The following PRMT3 variants were observed in gnomAD, a reference collection of about 807,000 sequenced individuals.
PRMT3 encodes protein arginine methyltransferase 3.
Under a neutral mutation model 71.9 loss-of-function variants are expected in PRMT3, and 62 were observed. The ratio of observed to expected loss-of-function variants is 0.86; its 90% CI spans 0.70 to 1.07. The LOEUF is 1.07. Ranked by LOEUF, PRMT3 falls within the 50% of genes least tolerant of loss-of-function variation. PRMT3 has a pLI of 0.00. For missense variants in PRMT3, 663 were observed against 643.0 expected (o/e 1.03, Z -0.34); for synonymous variants, 213 against 220.4 (o/e 0.97, Z 0.30).
At chr11:20,456,440 T>C (rs1850269014) in intron 11 of PRMT3, among the ~76,000 whole-genome samples, 1 of 152,222 alleles carries the variant, frequency 6.6e-6, no homozygotes, top group South Asian at 2.1e-4. Context: ...TAATATTTTC[T>C]AGCACCCTTA....
chr11:20,441,018 G>A (rs1460558655), intron 10 of PRMT3, among the ~76,000 whole-genome samples: 2 of 151,112 alleles, frequency 1.3e-5, no homozygotes, highest in East Asian at 1.9e-4. Context: ...TGTCTCTTGT[G>A]TTCCTTTAAC....
At chr11:20,416,593 T>C (rs966445449) in intron 9 of PRMT3, among the ~76,000 whole-genome samples, 6 of 152,194 alleles carry the variant, frequency 3.9e-5, no homozygotes, top group Non-Finnish European at 7.3e-5. Flanking sequence ...AGGTAAATCA[T>C]TGTCACCAAA....
intron 10 of PRMT3, among the ~76,000 whole-genome samples, chr11:20,448,362 A>T (rs1297820408): frequency 3.9e-5 from 6 of 152,158 alleles, no homozygotes; most frequent in African/African-American, 1.4e-4. Flanking sequence ...GTCTACAGTG[A>T]ATGTTACAGA....
intron 10 of PRMT3, among the ~76,000 whole-genome samples, chr11:20,437,765 AT>A (rs570619465): frequency 5.3e-4 from 81 of 151,972 alleles, no homozygotes; most frequent in African/African-American, 1.9e-3. Context: ...AATTTTTTGC[AT>A]TTTTAGTAGA....
intron 8 of PRMT3, among the ~76,000 whole-genome samples, chr11:20,404,381 G>A (rs949794535): frequency 2.6e-5 from 4 of 151,482 alleles, no homozygotes; most frequent in African/African-American, 9.7e-5. Context: ...CTACAGGCAC[G>A]TGCCACCACG....
chr11:20,454,569 CAA>C (rs1850226102), intron 11 of PRMT3, among the ~76,000 whole-genome samples: 1 of 152,040 alleles, frequency 6.6e-6, no homozygotes, highest in African/African-American at 2.4e-5. Context: ...TTAACAGAAT[CAA>C]GAGAAAGAAA....
At chr11:20,439,836 T>G (rs1032039420) in intron 10 of PRMT3, among the ~76,000 whole-genome samples, 9 of 152,158 alleles carry the variant, frequency 5.9e-5, no homozygotes, top group Admixed American at 2.0e-4. Flanking sequence ...TATACTCTTA[T>G]GAGAATAAGG....
At chr11:20,457,522 A>G (rs1351310511) in intron 11 of PRMT3, among the ~76,000 whole-genome samples, 1 of 152,246 alleles carries the variant, frequency 6.6e-6, no homozygotes, top group Non-Finnish European at 1.5e-5. Flanking sequence ...CATGAAGATT[A>G]TAATCCAACT....
At chr11:20,485,390 CAG>C (rs1007225304) in intron 13 of PRMT3, among the ~76,000 whole-genome samples, 1 of 152,082 alleles carries the variant, frequency 6.6e-6, no homozygotes, top group African/African-American at 2.4e-5. Context: ...ACAATAAAAA[CAG>C]AGCTCTAGGT....
At chr11:20,486,458 G>A (rs146758519) in intron 13 of PRMT3, among the ~76,000 whole-genome samples, 16 of 152,204 alleles carry the variant, frequency 1.1e-4, no homozygotes, top group Non-Finnish European at 2.1e-4. Context: ...TAGACTAGTA[G>A]ATAATTTCTA....
intron 8 of PRMT3, among the ~76,000 whole-genome samples, chr11:20,404,422 C>T (rs762192887): frequency 6.6e-5 from 10 of 151,364 alleles, no homozygotes; most frequent in Non-Finnish European, 1.0e-4. Flanking sequence ...TTAATAGAGA[C>T]GGGGTTTCAC....
At chr11:20,430,369 A>G (rs972989474) in intron 10 of PRMT3, among the ~76,000 whole-genome samples, 3 of 152,184 alleles carry the variant, frequency 2.0e-5, no homozygotes, top group Non-Finnish European at 4.4e-5. Context: ...ACTGTGGTCC[A>G]CTAACTATTC....
intron 15 of PRMT3, 88 bp downstream of exon 15, chr11:20,494,342 C>G (rs1272480277): frequency 8.7e-7 from 1 of 1,150,608 alleles, no homozygotes; most frequent in African/African-American, 1.6e-5. Flanking sequence ...TATGTGCACA[C>G]TATATTTGTT....
chr11:20,474,997 A>G (rs1204245336), intron 13 of PRMT3, among the ~76,000 whole-genome samples: 1 of 152,222 alleles, frequency 6.6e-6, no homozygotes, highest in African/African-American at 2.4e-5. Context: ...GTTGTTTACT[A>G]AAGGACTTAG....
intron 15 of PRMT3, among the ~76,000 whole-genome samples, chr11:20,499,342 C>T (rs954570109): frequency 6.6e-6 from 1 of 152,138 alleles, no homozygotes; most frequent in Non-Finnish European, 1.5e-5. Context: ...AAGATAGGGG[C>T]CAGGCGTGGT....
chr11:20,418,998 T>A (rs746092630), intron 9 of PRMT3, among the ~76,000 whole-genome samples: 2 of 152,306 alleles, frequency 1.3e-5, no homozygotes, highest in Non-Finnish European at 2.9e-5. Context: ...TTTGTTATGA[T>A]CAGTTTTTAC....
At chr11:20,447,667 G>A (rs1850060792) in intron 10 of PRMT3, among the ~76,000 whole-genome samples, 1 of 152,006 alleles carries the variant, frequency 6.6e-6, no homozygotes, top group African/African-American at 2.4e-5. Context: ...CCAAATTTGT[G>A]ATGTTCTGCA....
chr11:20,401,518 G>A (rs1269969164), intron 7 of PRMT3, among the ~76,000 whole-genome samples: 1 of 151,688 alleles, frequency 6.6e-6, no homozygotes, highest in Non-Finnish European at 1.5e-5. Flanking sequence ...AAAACAACTT[G>A]CCCTTTAAGA....
intron 13 of PRMT3, among the ~76,000 whole-genome samples, chr11:20,478,210 G>T (rs1445466999): frequency 6.6e-6 from 1 of 151,952 alleles, no homozygotes; most frequent in Non-Finnish European, 1.5e-5. Context: ...TAGAGTGAGG[G>T]TCTTTTTTAT....
Sources: allele counts gnomAD v4.1 joint callset (sites outside exome capture counted in the v4.1 genomes callset), GRCh38; gene constraint gnomAD v4.1.1; transcripts MANE v1.5; gene names NCBI Gene and HGNC (gene_info 2026-07-23, HGNC 2026-07-21).